The following ZSCAN32 variants were observed in gnomAD, a reference collection of about 807,000 sequenced individuals.
The protein encoded by ZSCAN32 is zinc finger and SCAN domain containing 32.
ZSCAN32 carries 52 observed loss-of-function variants against 47.4 expected under a neutral mutation model. The ratio of observed to expected loss-of-function variants is 1.10; its 90% CI spans 0.88 to 1.38. ZSCAN32 has a LOEUF of 1.38. Among genes scored for constraint, ZSCAN32 ranks in the 40% most tolerant of loss-of-function variants. The probability of loss-of-function intolerance (pLI) is 0.00; values close to 1 mark genes in which losing one functional copy is unlikely to be tolerated. For synonymous variants in ZSCAN32, 346 were observed against 305.7 expected, an observed-to-expected ratio of 1.13 and a Z score of -1.38; for missense variants, 959 against 846.0, an observed-to-expected ratio of 1.13 and a Z score of -1.66.
intron 1 of ZSCAN32, among the ~76,000 whole-genome samples, chr16:3,398,406 A>G (rs570957173): frequency 3.3e-5 from 5 of 152,190 alleles, no homozygotes; most frequent in African/African-American, 1.2e-4. Context: ...TCCCTACCCA[A>G]CTGCGTGCCA....
At chr16:3,394,249 C>G (rs1308883698) in intron 2 of ZSCAN32, among the ~76,000 whole-genome samples, 3 of 152,098 alleles carry the variant, frequency 2.0e-5, no homozygotes. Flanking sequence ...GTGGACAACA[C>G]AGCAAGACTC....
intron 2 of ZSCAN32, 58 bp downstream of exon 2, chr16:3,397,134 C>G: frequency 6.8e-7 from 1 of 1,468,188 alleles, no homozygotes; most frequent in Non-Finnish European, 9.0e-7. Flanking sequence ...TCTCCAGTAA[C>G]TGGATTCCCC....
intron 6 of ZSCAN32, 81 bp downstream of exon 6, chr16:3,384,378 A>G: frequency 6.4e-7 from 1 of 1,550,858 alleles, no homozygotes; most frequent in Non-Finnish European, 8.8e-7. Context: ...GATCAGTGAC[A>G]GCTCCTACTC....
chr16:3,385,456 A>G (rs994001940), intron 5 of ZSCAN32, among the ~76,000 whole-genome samples: 1 of 152,204 alleles, frequency 6.6e-6, no homozygotes. Flanking sequence ...TAAAGTTTAT[A>G]TGGAACCAAA....
At chr16:3,385,765 C>G (rs1249056746) in intron 5 of ZSCAN32, among the ~76,000 whole-genome samples, 1 of 152,168 alleles carries the variant, frequency 6.6e-6, no homozygotes, top group African/African-American at 2.4e-5. Flanking sequence ...AACTGGATCC[C>G]TTCCTTACAC....
chr16:3,393,858 A>G, intron 2 of ZSCAN32, 44 bp from the exon 3 acceptor site: 1 of 1,475,718 alleles, frequency 6.8e-7, no homozygotes, highest in South Asian at 1.3e-5. Flanking sequence ...TTCCTGCCTA[A>G]GCTGGACTTT....
At chr16:3,391,096 T>C (rs1050893251) in intron 3 of ZSCAN32, among the ~76,000 whole-genome samples, 8 of 152,296 alleles carry the variant, frequency 5.3e-5, no homozygotes, top group African/African-American at 1.9e-4. Context: ...ATAAAATGAA[T>C]CATGTCTATG....
chr16:3,392,415 T>G (rs1368393155), intron 3 of ZSCAN32, among the ~76,000 whole-genome samples: 1 of 151,636 alleles, frequency 6.6e-6, no homozygotes, highest in East Asian at 1.9e-4. Context: ...GATCTTGTTA[T>G]GTTGCCCAGG....
At chr16:3,390,330 C>A in intron 4 of ZSCAN32, 93 bp downstream of exon 4, 1 of 1,378,048 alleles carries the variant, frequency 7.3e-7, no homozygotes, top group Non-Finnish European at 9.9e-7. Context: ...GCCCCATGGA[C>A]CACACAGAAT....
chr16:3,386,319 A>T lies in ZSCAN32; in HGVS notation c.752-1378T>A, dbSNP rs917889407. 3.9e-5 allele frequency among the ~76,000 whole-genome samples: 6 copies of T among 152,340 alleles called. No homozygotes were observed. The Middle Eastern group carries it at 0.014, about 345-fold the overall frequency. ...GGTGCTGGAGAGGATGTGGAGAAAT[A>T]GGAACACTTTTACACTGTTGGTGGG... On this transcript the variant is annotated intron_variant, in intron 5 of 6. Coordinates refer to ENST00000396852, the MANE Select transcript of ZSCAN32 (RefSeq NM_001284527.2).
intron 2 of ZSCAN32, among the ~76,000 whole-genome samples, 155 bp downstream of exon 2, chr16:3,397,037 G>A (rs902678501): frequency 3.9e-5 from 6 of 152,116 alleles, no homozygotes; most frequent in Non-Finnish European, 7.4e-5. Flanking sequence ...AATTCTTCCC[G>A]TATTATAAGG....
chr16:3,399,220 T>C (rs1208148910), intron 1 of ZSCAN32, among the ~76,000 whole-genome samples: 1 of 152,034 alleles, frequency 6.6e-6, no homozygotes, highest in Non-Finnish European at 1.5e-5. Context: ...CGAGACTGTC[T>C]CAAAAAAAGA....
At position 3,384,897 on chromosome 16, in the gene ZSCAN32, C is replaced by A. The variant is rs2031760713; in HGVS notation, c.796G>T (p.Ala266Ser). The A allele has an allele frequency of 5.0e-6, 8 of 1,614,048 alleles. No individual in the cohort carries two copies. The highest frequency in any genetic ancestry group is 6.8e-6 in the Non-Finnish European group (8 of 1,180,008). The change falls in exon 6 of 7, where the codon GCT (alanine) becomes TCT (serine). Residue 266 changes from alanine to serine, a missense_variant. Transcript: ENST00000396852. The part of the protein sequence containing the change: ...WGYEETKTLL[A>S]ILSSSQFYGK... ...TAAAATTGAGAACTACTAAGAATAG[C>A]CAGGAGCGTCTTGGTCTCTTCATAG...
chr16:3,387,936 T>C (rs1223583368), intron 5 of ZSCAN32, among the ~76,000 whole-genome samples: 5 of 152,224 alleles, frequency 3.3e-5, no homozygotes, highest in African/African-American at 1.2e-4. Flanking sequence ...AAAGTGGTCC[T>C]TTTAAAACTA....
At chr16:3,393,080 A>G (rs1488664200) in intron 3 of ZSCAN32, among the ~76,000 whole-genome samples, 1 of 140,058 alleles carries the variant, frequency 7.1e-6, no homozygotes, top group Non-Finnish European at 1.5e-5. Flanking sequence ...CTAACACATA[A>G]AGAATCTCTG....
Position 3,393,637 on chromosome 16 carries a change from G to A in ZSCAN32, c.532+12C>T, listed in dbSNP as rs1472159069. 2 of 1,540,424 alleles carry A rather than the reference G, an allele frequency of 1.3e-6. No individual in the cohort carries two copies. The highest frequency in any genetic ancestry group is 4.0e-5 in the Admixed American group (2 of 50,402). On this transcript the variant is annotated intron_variant, in intron 3 of 6. Coordinates refer to ENST00000396852, the MANE Select transcript of ZSCAN32 (RefSeq NM_001284527.2). ...TCACCTGCCTCAGGTGAGGACAGAGGCTTCTGCTTACCTTCTGACTGTTCC... is the reference window on the plus strand; with the variant it reads ...TCACCTGCCTCAGGTGAGGACAGAGACTTCTGCTTACCTTCTGACTGTTCC...
At chr16:3,397,840 A>ACC in intron 1 of ZSCAN32, 96 bp from the exon 2 acceptor site, 5 of 254,454 alleles carry the variant, frequency 2.0e-5, no homozygotes, top group Non-Finnish European at 3.7e-5. Context: ...TACTCCCTCC[A>ACC]CAAATCTACA....
In ZSCAN32 at chr16:3,383,233, G is replaced by T. The variant is rs370408261; in HGVS notation, c.1713C>A (p.His571Gln). The change falls in exon 7 of 7, where the codon CAC becomes CAA. Residue 571 changes from histidine to glutamine, a missense_variant. Transcript: ENST00000396852. ...CACACTGATAGGGCCTCTCCCCTGTGTGAGTTCGTAGGTGGGCAGTGAGGT... is the reference window on the plus strand; with the variant it reads ...CACACTGATAGGGCCTCTCCCCTGTTTGAGTTCGTAGGTGGGCAGTGAGGT... ...RSNLTAHLRT[H>Q]TGERPYQCGQ... 41 of 1,614,032 alleles carry T rather than the reference G, an allele frequency of 2.5e-5. No individual in the cohort carries two copies. The highest frequency in any genetic ancestry group is 6.7e-5 in the Admixed American group (4 of 60,014).
chr16:3,383,637 C>T lies in ZSCAN32; in HGVS notation c.1309G>A (p.Ala437Thr), dbSNP rs751289714. The T allele has an allele frequency of 1.9e-6, 3 of 1,612,624 alleles. No homozygotes were observed. The highest frequency in any genetic ancestry group is 2.5e-6 in the Non-Finnish European group (3 of 1,179,988). ...DDSEEVEINK[A>T]LQRKSRGVYW... The stretch of plus-strand genomic sequence containing the variant: ...ACTCCTCTGGACTTTCTCTGTAAAG[C>T]CTTGTTTATTTCTACTTCCTCTGAA... The change falls in exon 7 of 7, where the codon GCT (alanine) becomes ACT (threonine). Residue 437 changes from alanine (A) to threonine (T), a missense_variant. Transcript: ENST00000396852.
Sources: gnomAD v4.1 joint callset for allele counts (sites outside exome capture counted in the v4.1 genomes callset) on GRCh38, gnomAD v4.1.1 for gene constraint, MANE v1.5 for transcripts, NCBI Gene and HGNC (gene_info 2026-07-23, HGNC 2026-07-21) for gene names.